DIPK2B: variants seen among roughly 807,000 people sequenced by gnomAD.
DIPK2B encodes the protein UPF0672 protein CXorf36.
A neutral mutation model predicts 22.2 loss-of-function variants in DIPK2B; 15 were observed. That is an observed-to-expected ratio of 0.68 (90% CI 0.45 to 1.04). The LOEUF (loss-of-function observed/expected upper bound fraction) is 1.04, where lower values mean the gene tolerates loss of function less well. DIPK2B is among the 50% of genes least tolerant of loss of function. DIPK2B has a pLI of 0.00. For synonymous variants in DIPK2B, 163 were observed against 153.2 expected, an observed-to-expected ratio of 1.06 and a Z score of -0.47; for missense variants, 345 against 348.3, an observed-to-expected ratio of 0.99 and a Z score of 0.08.
chrX:45,184,482 T>C (rs986893254), intron 2 of DIPK2B, among the ~76,000 whole-genome samples: 1 of 111,970 alleles, frequency 8.9e-6, no homozygotes, highest in Non-Finnish European at 1.9e-5. Context: ...GAAATAGATT[T>C]TGATCTTTAA....
rs181031117 is a variant in DIPK2B at position 45,185,658 on chromosome X, T to C, written c.498+6093A>G. On this transcript the variant is annotated intron_variant, in intron 2 of 4. Transcript: ENST00000398000. ...CATTTTCTTTCTTTTCTTTTCTTTT[T>C]TTTTTTTTTTTTGAGATGGAGTCTC... Among the ~76,000 whole-genome samples the C allele has an allele frequency of 1.1e-3, 107 of 100,722 alleles. 1 individual carries two copies. In the East Asian group the frequency reaches 0.021, roughly 19 times the overall value. The allele number at this position is 100,722 out of a possible 115,157, so 87.5% of individuals were successfully genotyped here.
intron 2 of DIPK2B, among the ~76,000 whole-genome samples, chrX:45,186,241 G>T (rs982902857): frequency 9.0e-6 from 1 of 111,525 alleles, no homozygotes; most frequent in African/African-American, 3.3e-5. Flanking sequence ...GGCTGAGAGG[G>T]GACTTATCTA....
At chrX:45,154,292 T>TATC (rs1161823113) in intron 3 of DIPK2B, 94 bp from the exon 4 acceptor site, 1 of 597,046 alleles carries the variant, frequency 1.7e-6, no homozygotes. Flanking sequence ...TCTATCTATC[T>TATC]ATCTATCTAT....
chrX:45,198,350 G>A (rs957426008), intron 1 of DIPK2B, among the ~76,000 whole-genome samples: 1 of 111,349 alleles, frequency 9.0e-6, no homozygotes, highest in Non-Finnish European at 1.9e-5. Flanking sequence ...GTAGAGAAAA[G>A]GACTCTAAAC....
At chrX:45,162,225 A>C (rs1419376304) in intron 2 of DIPK2B, 2 of 235,657 alleles carry the variant, frequency 8.5e-6, no homozygotes, top group Non-Finnish European at 1.2e-5. Context: ...GAACCACCCC[A>C]GCTGATGCCA....
At chrX:45,158,983 C>T (rs1400444470) in intron 2 of DIPK2B, among the ~76,000 whole-genome samples, 1 of 111,015 alleles carries the variant, frequency 9.0e-6, no homozygotes, top group African/African-American at 3.3e-5. Flanking sequence ...AATATCTGTG[C>T]CTTTTCCCCG....
intron 2 of DIPK2B, among the ~76,000 whole-genome samples, chrX:45,158,544 T>C (rs1006068756): frequency 2.8e-5 from 3 of 106,055 alleles, no homozygotes; most frequent in Non-Finnish European, 5.9e-5. Flanking sequence ...GACTTGGAGA[T>C]ACGAACCTAG....
chrX:45,163,331 T>G, intron 2 of DIPK2B: 4 of 624,631 alleles, frequency 6.4e-6, no homozygotes, highest in Non-Finnish European at 7.7e-6. Flanking sequence ...TCTGGACATG[T>G]ATATGTATCT....
chrX:45,159,864 T>A (rs1406575103), intron 2 of DIPK2B, among the ~76,000 whole-genome samples: 1 of 112,106 alleles, frequency 8.9e-6, no homozygotes, highest in African/African-American at 3.2e-5. Flanking sequence ...ATTCAAACAT[T>A]TTCTTGGAAT....
In DIPK2B at chrX:45,200,779, C is replaced by G. The variant is rs34191819; in HGVS notation, c.48G>C (p.Trp16Cys). The G allele has an allele frequency of 9.0e-4, 1,090 of 1,205,437 alleles. 6 individuals are homozygous for G. In the African/African-American group the frequency reaches 0.016, roughly 18 times the overall value. The change falls in exon 1 of 5, where the codon TGG becomes TGC. Residue 16 changes from tryptophan to cysteine, a missense_variant. Physicochemically the swap from Trp to Cys is radical, Grantham distance 215. Transcript: ENST00000398000. ...GPEAAALRPGWLALLLWVSAL... is the reference protein window; with the variant it reads ...GPEAAALRPGCLALLLWVSAL... ...CTGAGACCCACAGCAGCAGGGCCAGCCAGCCAGGGCGGAGGGCGGCAGCCT... is the reference window on the plus strand; with the variant it reads ...CTGAGACCCACAGCAGCAGGGCCAGGCAGCCAGGGCGGAGGGCGGCAGCCT...
chrX:45,154,321 GTCTATCTA>G, intron 3 of DIPK2B, 123 bp from the exon 4 acceptor site: 1 of 403,591 alleles, frequency 2.5e-6, no homozygotes, highest in Non-Finnish European at 3.7e-6. Context: ...CTATCTATCT[GTCTATCTA>G]TATCAATCAT....
At chrX:45,174,380 G>A (rs751113067) in intron 2 of DIPK2B, among the ~76,000 whole-genome samples, 6 of 111,464 alleles carry the variant, frequency 5.4e-5, no homozygotes, top group African/African-American at 1.6e-4. Context: ...ATAAGAGAAG[G>A]CCCCTACACC....
intron 2 of DIPK2B, among the ~76,000 whole-genome samples, chrX:45,177,240 G>A (rs958263224): frequency 9.2e-6 from 1 of 109,173 alleles, no homozygotes; most frequent in Non-Finnish European, 1.9e-5. Flanking sequence ...CTAGGAGGTC[G>A]AGGCTGCAGT....
At chrX:45,164,295 G>A (rs749528341) in intron 2 of DIPK2B, 18 of 1,167,276 alleles carry the variant, frequency 1.5e-5, no homozygotes, top group Non-Finnish European at 2.0e-5. Flanking sequence ...CAAAAGATTT[G>A]TGGAAAATGT....
chrX:45,194,911 C>CT (rs1000713700), intron 1 of DIPK2B, among the ~76,000 whole-genome samples: 1 of 111,500 alleles, frequency 9.0e-6, no homozygotes, highest in Non-Finnish European at 1.9e-5. Flanking sequence ...GTTCATTGTC[C>CT]TTTTTTTCTG....
chrX:45,179,166 G>T (rs2047135232), intron 2 of DIPK2B, among the ~76,000 whole-genome samples: 1 of 110,985 alleles, frequency 9.0e-6, no homozygotes, highest in African/African-American at 3.3e-5. Context: ...ATTCTACAAG[G>T]TATAAGCCAG....
At chrX:45,169,305 A>G (rs2047066737) in intron 2 of DIPK2B, among the ~76,000 whole-genome samples, 1 of 111,464 alleles carries the variant, frequency 9.0e-6, no homozygotes, top group South Asian at 3.8e-4. Flanking sequence ...CCCAAACGCA[A>G]CACCTTTTTC....
intron 2 of DIPK2B, among the ~76,000 whole-genome samples, chrX:45,184,247 A>G (rs1484864219): frequency 9.0e-6 from 1 of 111,721 alleles, no homozygotes; most frequent in African/African-American, 3.3e-5. Context: ...AATACTTTAC[A>G]TAAGTGAGAG....
At chrX:45,172,916 G>A (rs758697259) in intron 2 of DIPK2B, among the ~76,000 whole-genome samples, 9 of 111,592 alleles carry the variant, frequency 8.1e-5, no homozygotes, top group Non-Finnish European at 1.1e-4. Flanking sequence ...ATCCATAGGA[G>A]GTCAGTGGCT....
Sources: allele counts gnomAD v4.1 joint callset (sites outside exome capture counted in the v4.1 genomes callset), GRCh38; gene constraint gnomAD v4.1.1; transcripts MANE v1.5; gene names NCBI Gene and HGNC (gene_info 2026-07-23, HGNC 2026-07-21).